The following UBE2U variants were observed in gnomAD, a reference collection of about 807,000 sequenced individuals.
The protein encoded by UBE2U is ubiquitin conjugating enzyme E2 U.
In UBE2U, 39 loss-of-function variants were observed where a neutral mutation model predicts 41.2. The observed-to-expected ratio is 0.95, with a 90% confidence interval of 0.73 to 1.24. The LOEUF (loss-of-function observed/expected upper bound fraction) is 1.24, where lower values mean the gene tolerates loss of function less well. Among genes scored for constraint, UBE2U ranks in the 50% most tolerant of loss-of-function variants. The pLI is 0.00. For synonymous variants in UBE2U, 107 were observed against 117.8 expected (o/e 0.91, Z 0.60); for missense variants, 336 against 363.1 (o/e 0.93, Z 0.61).
At chr1:64,204,160 ATTT>A (rs1651146087) in intron 1 of UBE2U, 44 bp downstream of exon 1, 1 of 1,575,526 alleles carries the variant, frequency 6.3e-7, no homozygotes, top group Non-Finnish European at 8.7e-7. Context: ...TTGTGCAATA[ATTT>A]TTAAGAGGCA....
At chr1:64,259,439 G>T (rs1228464016) in intron 8 of UBE2U, among the ~76,000 whole-genome samples, 1 of 151,852 alleles carries the variant, frequency 6.6e-6, no homozygotes, top group Non-Finnish European at 1.5e-5. Flanking sequence ...TTTCTTCTAG[G>T]GTTTTTATGG....
intron 5 of UBE2U, among the ~76,000 whole-genome samples, chr1:64,216,632 G>A (rs1461868515): frequency 1.3e-5 from 2 of 152,146 alleles, no homozygotes; most frequent in Admixed American, 6.5e-5. Flanking sequence ...AATGTATCAG[G>A]GACTTTACTC....
chr1:64,223,351 C>A, intron 6 of UBE2U, among the ~76,000 whole-genome samples: 1 of 152,134 alleles, frequency 6.6e-6, no homozygotes, highest in Non-Finnish European at 1.5e-5. Context: ...GCCTGTCGAT[C>A]CATTAGGTCA....
chr1:64,252,026 C>T (rs552086791), intron 8 of UBE2U, among the ~76,000 whole-genome samples: 1 of 152,204 alleles, frequency 6.6e-6, no homozygotes, highest in Non-Finnish European at 1.5e-5. Context: ...ATGTGGTCAC[C>T]ATTTCTGCAG....
chr1:64,251,013 T>G (rs1298768189), intron 8 of UBE2U, among the ~76,000 whole-genome samples: 1 of 151,802 alleles, frequency 6.6e-6, no homozygotes, highest in Non-Finnish European at 1.5e-5. Context: ...TGTATACATA[T>G]GTAACCAACC....
chr1:64,204,063 G>T lies in UBE2U; in HGVS notation c.13G>T (p.Ala5Ser). MHGRAYLLLHRDFCD... is the reference protein window; with the variant it reads MHGRSYLLLHRDFCD... ...TCCGCTGCCTATCATGCACGGCAGA[G>T]CTTACCTCTTGCTGCACAGAGACTT... Residue 5 changes from alanine (A) to serine (S), a missense_variant, in exon 1 of 10, where the codon GCT becomes TCT. Ala to Ser is a moderately conservative substitution (Grantham distance 99). Transcript: ENST00000371077. The T allele has an allele frequency of 6.2e-7, 1 of 1,613,952 alleles. No homozygotes were observed. The highest frequency in any genetic ancestry group is 8.5e-7 in the Non-Finnish European group (1 of 1,179,910).
At chr1:64,210,677 A>G (rs1459069349) in intron 3 of UBE2U, 65 bp from the exon 4 acceptor site, 9 of 1,074,878 alleles carry the variant, frequency 8.4e-6, no homozygotes, top group Admixed American at 3.2e-5. Flanking sequence ...TATCATTTTG[A>G]TGTTTGTAAG....
chr1:64,222,198 G>A (rs1652539200), intron 6 of UBE2U, among the ~76,000 whole-genome samples: 2 of 151,988 alleles, frequency 1.3e-5, no homozygotes, highest in South Asian at 4.2e-4. Context: ...ACACTAAGTT[G>A]GTATTCAATA....
chr1:64,205,398 C>T (rs1651232751), intron 1 of UBE2U, among the ~76,000 whole-genome samples: 1 of 152,146 alleles, frequency 6.6e-6, no homozygotes, highest in African/African-American at 2.4e-5. Flanking sequence ...TCTCTAGTCC[C>T]ACTTGTGATT....
chr1:64,233,895 T>C (rs1243746653), intron 7 of UBE2U, among the ~76,000 whole-genome samples: 1 of 152,228 alleles, frequency 6.6e-6, no homozygotes, highest in Admixed American at 6.5e-5. Flanking sequence ...TGATTACGTT[T>C]TAGTCCTCTT....
At chr1:64,218,494 A>T (rs555396497) in intron 5 of UBE2U, among the ~76,000 whole-genome samples, 1 of 152,350 alleles carries the variant, frequency 6.6e-6, no homozygotes, top group South Asian at 2.1e-4. Context: ...TTAATGAAAT[A>T]TGTCCTCTAT....
At chr1:64,258,310 G>C (rs1032565750) in intron 8 of UBE2U, among the ~76,000 whole-genome samples, 1 of 152,058 alleles carries the variant, frequency 6.6e-6, no homozygotes, top group Non-Finnish European at 1.5e-5. Flanking sequence ...AGGTACACTT[G>C]TGTGACAAAA....
rs751481584 is a variant in UBE2U at position 64,204,142 on chromosome 1, G to A, written c.66+26G>A. 5 of 1,595,088 alleles carry A rather than the reference G, an allele frequency of 3.1e-6. No individual in the cohort carries two copies. The East Asian group carries it at 6.7e-5, about 21-fold the overall frequency. ...GTAAGTACTGGGCACGTGGAGAGAT[G>A]TGTTTCATTGTGCAATAATTTTTAA... On this transcript the variant is annotated intron_variant, in intron 1 of 9. Transcript: ENST00000371077.
intron 6 of UBE2U, among the ~76,000 whole-genome samples, chr1:64,232,282 T>C (rs1644582093): frequency 6.6e-6 from 1 of 152,230 alleles, no homozygotes; most frequent in Non-Finnish European, 1.5e-5. Flanking sequence ...GAAAGGCAGA[T>C]GTCTTAAACC....
intron 8 of UBE2U, among the ~76,000 whole-genome samples, chr1:64,253,598 G>A (rs977653866): frequency 3.9e-5 from 6 of 152,028 alleles, no homozygotes; most frequent in African/African-American, 1.4e-4. Flanking sequence ...AAGAGATTGG[G>A]GACCAATATT....
chr1:64,222,040 C>T (rs563170287), intron 6 of UBE2U, among the ~76,000 whole-genome samples: 5 of 135,332 alleles, frequency 3.7e-5, no homozygotes, highest in South Asian at 2.3e-4. Flanking sequence ...TGAGCCAAGC[C>T]GAGATGGTGC....
chr1:64,239,127 A>AAGGAGAAGG (rs1557730225), intron 7 of UBE2U, among the ~76,000 whole-genome samples: 17 of 21,992 alleles, frequency 7.7e-4, no homozygotes, highest in African/African-American at 3.3e-3. Context: ...GAAGAAGAAG[A>AAGGAGAAGG]AGAAGAAGAA....
chr1:64,217,431 A>G (rs182158900), intron 5 of UBE2U, among the ~76,000 whole-genome samples: 4 of 152,162 alleles, frequency 2.6e-5, no homozygotes, highest in Non-Finnish European at 4.4e-5. Context: ...CTAATTTGTT[A>G]TGAGCTTTCA....
rs144711203 is a variant in UBE2U at position 64,238,057 on chromosome 1, T to C, written c.596-3595T>C. The stretch of plus-strand genomic sequence containing the variant: ...CTCTCTATGTCTGTTTGACCATCTG[T>C]ACAGTGGGTATTCTAATGGTAACCA... On this transcript the variant is annotated intron_variant, in intron 7 of 9. Coordinates refer to ENST00000371077, the MANE Select transcript of UBE2U (RefSeq NM_001366232.2). 4.3e-3 allele frequency among the ~76,000 whole-genome samples: 659 copies of C among 152,342 alleles called. 5 individuals are homozygous for C. Among genetic ancestry groups the C allele is most frequent in the African/African-American group, 0.015 (625 of 41,582 alleles).
Sources: allele counts gnomAD v4.1 joint callset (sites outside exome capture counted in the v4.1 genomes callset), GRCh38; gene constraint gnomAD v4.1.1; transcripts MANE v1.5; gene names NCBI Gene and HGNC (gene_info 2026-07-23, HGNC 2026-07-21).